Variants in SEMA3C observed in about 807,000 individuals in gnomAD.
The protein encoded by SEMA3C is semaphorin-3C.
Under a neutral mutation model 89.4 loss-of-function variants are expected in SEMA3C, and 47 were observed. That is an observed-to-expected ratio of 0.53 (90% CI 0.42 to 0.67). SEMA3C has a LOEUF of 0.67. Ranked by LOEUF, SEMA3C falls within the 30% of genes least tolerant of loss-of-function variation. SEMA3C has a pLI of 0.00. For synonymous variants in SEMA3C, 310 were observed against 320.2 expected (o/e 0.97, Z 0.34); for missense variants, 839 against 929.1 (o/e 0.90, Z 1.26).
chr7:80,800,718 T>A, intron 10 of SEMA3C, 39 bp downstream of exon 10: 1 of 1,231,098 alleles, frequency 8.1e-7, no homozygotes. Context: ...CCATGAAGTT[T>A]ATTGTTTAAC....
intron 2 of SEMA3C, among the ~76,000 whole-genome samples, chr7:80,887,075 G>C (rs1326700995): frequency 6.6e-6 from 1 of 152,018 alleles, no homozygotes; most frequent in East Asian, 1.9e-4. Flanking sequence ...AGTTACCAGG[G>C]AGTGAAATTA....
intron 14 of SEMA3C, 52 bp from the exon 15 acceptor site, chr7:80,758,540 C>A (rs1361141656): frequency 6.5e-7 from 1 of 1,543,946 alleles, no homozygotes; most frequent in African/African-American, 1.4e-5. Context: ...TAAAAGAAGA[C>A]TTTCAGCAGG....
chr7:80,918,031 A>G (rs2116265441), intron 1 of SEMA3C, among the ~76,000 whole-genome samples: 1 of 152,314 alleles, frequency 6.6e-6, no homozygotes, highest in Admixed American at 6.5e-5. Flanking sequence ...TACCACACAG[A>G]TGGAGGAAAC....
intron 2 of SEMA3C, among the ~76,000 whole-genome samples, chr7:80,899,760 A>G (rs1791832213): frequency 6.6e-6 from 1 of 152,196 alleles, no homozygotes; most frequent in South Asian, 2.1e-4. Context: ...AAAATGAGAA[A>G]TAAAGACTGT....
chr7:80,914,162 T>C (rs1016901839), intron 2 of SEMA3C, among the ~76,000 whole-genome samples: 2 of 152,202 alleles, frequency 1.3e-5, no homozygotes, highest in Non-Finnish European at 2.9e-5. Context: ...CAGTTGCTGA[T>C]TTTTTATTGG....
At chr7:80,816,065 T>C (rs1789600140) in intron 5 of SEMA3C, 2 of 151,844 alleles carry the variant, frequency 1.3e-5, no homozygotes, top group Admixed American at 6.6e-5. Flanking sequence ...AGAACCGTGG[T>C]TAGGTCTTCA....
At chr7:80,816,817 G>A (rs1789618821) in intron 5 of SEMA3C, among the ~76,000 whole-genome samples, 1 of 152,208 alleles carries the variant, frequency 6.6e-6, no homozygotes, top group Admixed American at 6.5e-5. Context: ...TGATTAAAAT[G>A]TATTCCATGC....
intron 2 of SEMA3C, among the ~76,000 whole-genome samples, chr7:80,857,093 T>A (rs543048953): frequency 6.6e-6 from 1 of 152,220 alleles, no homozygotes; most frequent in Admixed American, 6.5e-5. Context: ...TCATCACCAA[T>A]ATCTATTTTT....
At chr7:80,774,680 CAG>C (rs1238665595) in intron 12 of SEMA3C, among the ~76,000 whole-genome samples, 1 of 151,866 alleles carries the variant, frequency 6.6e-6, no homozygotes, top group African/African-American at 2.4e-5. Flanking sequence ...ATTGGAAAAA[CAG>C]AGGGAAAAAG....
intron 2 of SEMA3C, among the ~76,000 whole-genome samples, chr7:80,882,647 G>A (rs1174191248): frequency 6.6e-6 from 1 of 151,898 alleles, no homozygotes; most frequent in Admixed American, 6.6e-5. Context: ...CCATTGAGGA[G>A]TCTCGATTAC....
chr7:80,803,085 GA>G (rs970127800), intron 8 of SEMA3C, among the ~76,000 whole-genome samples: 2 of 152,090 alleles, frequency 1.3e-5, no homozygotes, highest in African/African-American at 4.8e-5. Context: ...ATAGAAAATA[GA>G]TCATTTAATC....
At chr7:80,902,072 C>G (rs1424113072) in intron 2 of SEMA3C, among the ~76,000 whole-genome samples, 1 of 152,194 alleles carries the variant, frequency 6.6e-6, no homozygotes, top group African/African-American at 2.4e-5. Flanking sequence ...CCTACCTCAG[C>G]TTCCTGAGTA....
chr7:80,762,321 C>CATAAGACACTAT (rs1359050715), intron 13 of SEMA3C, among the ~76,000 whole-genome samples: 2 of 152,022 alleles, frequency 1.3e-5, no homozygotes, highest in African/African-American at 2.4e-5. Flanking sequence ...CCTGCCAGTG[C>CATAAGACACTAT]TGTTTCGGAA....
upstream of SEMA3C, among the ~76,000 whole-genome samples, chr7:80,920,301 C>G (rs1792383719): frequency 6.6e-6 from 1 of 152,180 alleles, no homozygotes; most frequent in South Asian, 2.1e-4. Flanking sequence ...TGCTTAAAAT[C>G]ACTGTGGGGC....
At chr7:80,783,600 G>A (rs1206737139) in intron 12 of SEMA3C, among the ~76,000 whole-genome samples, 2 of 152,166 alleles carry the variant, frequency 1.3e-5, no homozygotes, top group Non-Finnish European at 2.9e-5. Flanking sequence ...GAACTCACAT[G>A]CACTGCTCCA....
intron 2 of SEMA3C, among the ~76,000 whole-genome samples, chr7:80,916,374 TC>T (rs1792274264): frequency 6.6e-6 from 1 of 152,158 alleles, no homozygotes. Context: ...AACAGTAAGA[TC>T]AAAGATGCTA....
intron 2 of SEMA3C, among the ~76,000 whole-genome samples, chr7:80,868,903 G>A (rs1380743204): frequency 6.6e-6 from 1 of 152,158 alleles, no homozygotes; most frequent in Non-Finnish European, 1.5e-5. Context: ...CACATTAAAT[G>A]CATAACGAGG....
chr7:80,806,273 C>A (rs1231462028), intron 6 of SEMA3C, among the ~76,000 whole-genome samples: 2 of 152,034 alleles, frequency 1.3e-5, no homozygotes, highest in Admixed American at 1.3e-4. Flanking sequence ...AGATTATGAT[C>A]TTAAAAGTTC....
intron 11 of SEMA3C, among the ~76,000 whole-genome samples, chr7:80,797,634 A>C (rs1488358439): frequency 1.3e-5 from 2 of 152,204 alleles, no homozygotes; most frequent in African/African-American, 2.4e-5. Context: ...ATCTAAATAG[A>C]TTCCTAGAAA....
Sources: gnomAD v4.1 joint callset for allele counts (sites outside exome capture counted in the v4.1 genomes callset) on GRCh38, gnomAD v4.1.1 for gene constraint, MANE v1.5 for transcripts, NCBI Gene and HGNC (gene_info 2026-07-23, HGNC 2026-07-21) for gene names.